The following PLCB1 variants were observed in gnomAD, a reference collection of about 807,000 sequenced individuals.
The protein encoded by PLCB1 is phospholipase C beta 1, also known as 1-phosphatidylinositol 4,5-bisphosphate phosphodiesterase beta-1.
Under a neutral mutation model 161.8 loss-of-function variants are expected in PLCB1, and 46 were observed. The observed-to-expected ratio is 0.28, with a 90% CI of 0.22 to 0.36. PLCB1 has a LOEUF of 0.36. PLCB1 is among the 10% of genes least tolerant of loss of function. PLCB1 has a pLI of 1.00. For synonymous variants in PLCB1, 517 were observed against 503.7 expected (o/e 1.03, Z -0.35); for missense variants, 1,016 against 1,472.5 (o/e 0.69, Z 5.07).
chr20:8,404,102 CAATT>C (rs1428727264), intron 3 of PLCB1, among the ~76,000 whole-genome samples: 2 of 152,048 alleles, frequency 1.3e-5, no homozygotes, highest in East Asian at 3.9e-4. Context: ...GATTTTATAG[CAATT>C]AAGATGAATT....
intron 12 of PLCB1, among the ~76,000 whole-genome samples, chr20:8,710,537 G>T (rs541490412): frequency 7.9e-6 from 1 of 126,858 alleles, no homozygotes; most frequent in African/African-American, 3.0e-5. Flanking sequence ...TTTCTGAAGC[G>T]GAGTTTCACT....
At chr20:8,299,487 A>T (rs565966431) in intron 2 of PLCB1, among the ~76,000 whole-genome samples, 2 of 152,080 alleles carry the variant, frequency 1.3e-5, no homozygotes, top group Non-Finnish European at 2.9e-5. Context: ...ATATCATTCA[A>T]TCTCATGGAT....
intron 3 of PLCB1, among the ~76,000 whole-genome samples, chr20:8,561,970 A>G (rs1986154397): frequency 6.6e-6 from 1 of 152,056 alleles, no homozygotes; most frequent in South Asian, 2.1e-4. Context: ...CTCCCCTGGC[A>G]TGAGGTTGAA....
intron 2 of PLCB1, among the ~76,000 whole-genome samples, chr20:8,200,725 T>G (rs2052083719): frequency 6.6e-6 from 1 of 152,044 alleles, no homozygotes; most frequent in East Asian, 1.9e-4. Flanking sequence ...TTTACCATTT[T>G]ATATTTTTCT....
chr20:8,438,995 A>C (rs1341383880), intron 3 of PLCB1, among the ~76,000 whole-genome samples: 1 of 152,190 alleles, frequency 6.6e-6, no homozygotes, highest in Admixed American at 6.5e-5. Context: ...AAGGAGAGTC[A>C]GCGACGTGCT....
intron 2 of PLCB1, among the ~76,000 whole-genome samples, chr20:8,278,065 G>A (rs1409425351): frequency 6.6e-6 from 1 of 151,790 alleles, no homozygotes; most frequent in Non-Finnish European, 1.5e-5. Context: ...AATGGGAGTT[G>A]CATAAGGGTC....
At chr20:8,600,199 TTCTG>T (rs1987499020) in intron 3 of PLCB1, among the ~76,000 whole-genome samples, 1 of 136,398 alleles carries the variant, frequency 7.3e-6, no homozygotes, top group Non-Finnish European at 1.6e-5. Flanking sequence ...TTTCCCGTTT[TTCTG>T]TTCTGTTTTT....
intron 3 of PLCB1, among the ~76,000 whole-genome samples, chr20:8,423,628 C>T (rs1307914016): frequency 1.3e-5 from 2 of 152,184 alleles, no homozygotes; most frequent in African/African-American, 4.8e-5. Flanking sequence ...TTTAAGAATA[C>T]TCAGAAGCTA....
chr20:8,542,622 A>G lies in PLCB1; in HGVS notation c.247-85672A>G, dbSNP rs533293049. On this transcript the variant is annotated intron_variant, in intron 3 of 31. Coordinates refer to ENST00000338037, the MANE Select transcript of PLCB1 (RefSeq NM_015192.4). ...AACAGCACTTAAGAAAAGAATGGAA[A>G]AGTTTCAGTGACATTTGCAAAATTG... Among the ~76,000 whole-genome samples the G allele has an allele frequency of 1.2e-4, 19 of 152,302 alleles. No individual in the cohort carries two copies. The South Asian group carries it at 3.7e-3, about 30-fold the overall frequency.
intron 3 of PLCB1, among the ~76,000 whole-genome samples, chr20:8,378,293 G>C (rs1455191211): frequency 1.3e-5 from 2 of 152,154 alleles, no homozygotes; most frequent in African/African-American, 4.8e-5. Flanking sequence ...TCTTATATGA[G>C]GTACAGGCAT....
At chr20:8,177,142 A>C (rs558992706) in intron 2 of PLCB1, among the ~76,000 whole-genome samples, 35 of 152,212 alleles carry the variant, frequency 2.3e-4, no homozygotes, top group African/African-American at 7.9e-4. Flanking sequence ...TTGAAACCTA[A>C]CCCCCACAGT....
At chr20:8,812,135 A>G (rs895812060) in intron 31 of PLCB1, among the ~76,000 whole-genome samples, 2 of 152,130 alleles carry the variant, frequency 1.3e-5, no homozygotes, top group Non-Finnish European at 2.9e-5. Context: ...CTTGCTTGCT[A>G]TATACCCAAA....
intron 3 of PLCB1, among the ~76,000 whole-genome samples, chr20:8,479,211 A>G (rs1419046536): frequency 6.6e-6 from 1 of 152,164 alleles, no homozygotes; most frequent in East Asian, 1.9e-4. Flanking sequence ...TTGGTAACAA[A>G]TTATAGCATT....
At chr20:8,653,863 A>T (rs1037186107) in intron 7 of PLCB1, among the ~76,000 whole-genome samples, 1 of 152,002 alleles carries the variant, frequency 6.6e-6, no homozygotes, top group Non-Finnish European at 1.5e-5. Context: ...TCAACCCAGG[A>T]CCTTAGACAA....
chr20:8,662,783 A>C (rs1217870919), intron 9 of PLCB1, among the ~76,000 whole-genome samples: 2 of 151,858 alleles, frequency 1.3e-5, no homozygotes, highest in African/African-American at 4.8e-5. Context: ...TAAGAAGTAA[A>C]GAGAAGGCGC....
intron 3 of PLCB1, among the ~76,000 whole-genome samples, chr20:8,519,676 T>C (rs930023476): frequency 6.6e-6 from 1 of 152,176 alleles, no homozygotes; most frequent in Non-Finnish European, 1.5e-5. Context: ...TATTCTTACT[T>C]GAGAAACACA....
intron 2 of PLCB1, among the ~76,000 whole-genome samples, chr20:8,244,965 G>A (rs955590666): frequency 1.3e-5 from 2 of 150,024 alleles, no homozygotes; most frequent in African/African-American, 5.0e-5. Context: ...GTGTGGCTTA[G>A]GAGAGGTTCT....
At chr20:8,779,507 C>CAAAAAAAAA (rs373073139) in intron 27 of PLCB1, among the ~76,000 whole-genome samples, 6 of 102,514 alleles carry the variant, frequency 5.9e-5, no homozygotes, top group African/African-American at 2.3e-4. Flanking sequence ...CACTTTTGTG[C>CAAAAAAAAA]AAAAAAAAAA....
At chr20:8,872,576 C>T (rs1987644175) in intron 31 of PLCB1, among the ~76,000 whole-genome samples, 1 of 152,194 alleles carries the variant, frequency 6.6e-6, no homozygotes, top group African/African-American at 2.4e-5. Context: ...TTTGCTATGC[C>T]TCTGCTGGGA....
Sources: allele counts gnomAD v4.1 joint callset (sites outside exome capture counted in the v4.1 genomes callset), GRCh38; gene constraint gnomAD v4.1.1; transcripts MANE v1.5; gene names NCBI Gene and HGNC (gene_info 2026-07-23, HGNC 2026-07-21).